The following ULK4 variants were observed in gnomAD, a reference collection of about 807,000 sequenced individuals.
ULK4 encodes the protein unc-51 like kinase 4.
ULK4 carries 133 observed loss-of-function variants against 160.6 expected under a neutral mutation model. The observed-to-expected ratio is 0.83, with a 90% CI of 0.72 to 0.96. The LOEUF (loss-of-function observed/expected upper bound fraction) is 0.96, where lower values mean the gene tolerates loss of function less well. Ranked by LOEUF, ULK4 falls within the 40% of genes least tolerant of loss-of-function variation. The probability of loss-of-function intolerance (pLI) is 0.00; values close to 1 mark genes in which losing one functional copy is unlikely to be tolerated. For missense variants in ULK4, 1,580 were observed against 1,499.5 expected, an observed-to-expected ratio of 1.05 and a Z score of -0.89; for synonymous variants, 534 against 539.8, an observed-to-expected ratio of 0.99 and a Z score of 0.15.
At chr3:41,309,898 GA>G (rs35153974) in intron 35 of ULK4, among the ~76,000 whole-genome samples, 16,148 of 144,256 alleles carry the variant, frequency 0.11, 1,716 homozygotes, top group African/African-American at 0.27. Context: ...GCCTTTTAGG[GA>G]AAAAAAAAAA....
At chr3:41,848,669 T>C (rs975483127) in intron 17 of ULK4, among the ~76,000 whole-genome samples, 1 of 152,208 alleles carries the variant, frequency 6.6e-6, no homozygotes, top group Non-Finnish European at 1.5e-5. Context: ...ACGTTCACTT[T>C]TTCCTTCTAG....
At chr3:41,827,606 T>G (rs540571581) in intron 18 of ULK4, among the ~76,000 whole-genome samples, 312 of 152,114 alleles carry the variant, frequency 2.1e-3, no homozygotes, top group Non-Finnish European at 2.7e-3. Context: ...CAGGAAGAAG[T>G]TGAATCTCTG....
chr3:41,508,122 C>G (rs1442983787), intron 32 of ULK4, among the ~76,000 whole-genome samples: 1 of 152,190 alleles, frequency 6.6e-6, no homozygotes, highest in Non-Finnish European at 1.5e-5. Flanking sequence ...GCCTTTAGGA[C>G]TGCAGGCTGC....
chr3:41,398,053 T>C (rs2082099584), intron 35 of ULK4, 26 bp downstream of exon 35: 3 of 1,595,956 alleles, frequency 1.9e-6, no homozygotes, highest in East Asian at 4.5e-5. Flanking sequence ...CCACCCACAG[T>C]GTCCCCGGTT....
intron 22 of ULK4, among the ~76,000 whole-genome samples, chr3:41,725,351 T>A (rs2037614844): frequency 6.6e-6 from 1 of 152,204 alleles, no homozygotes; most frequent in Non-Finnish European, 1.5e-5. Flanking sequence ...TTATCTATTA[T>A]CGTTTATTAT....
At chr3:41,885,735 T>G (rs1240869289) in intron 16 of ULK4, among the ~76,000 whole-genome samples, 1 of 151,722 alleles carries the variant, frequency 6.6e-6, no homozygotes, top group Non-Finnish European at 1.5e-5. Flanking sequence ...CAAGCCAGAG[T>G]GCAGTGGTGC....
intron 35 of ULK4, among the ~76,000 whole-genome samples, chr3:41,336,639 C>T (rs1033256789): frequency 2.0e-5 from 3 of 152,196 alleles, no homozygotes; most frequent in Non-Finnish European, 4.4e-5. Context: ...AGCTCATGAC[C>T]ACCTCCTTTA....
chr3:41,553,786 GGGC>G (rs571110882), intron 32 of ULK4, among the ~76,000 whole-genome samples: 1 of 151,620 alleles, frequency 6.6e-6, no homozygotes, highest in African/African-American at 2.4e-5. Context: ...AGAGTAAATG[GGGC>G]ATCCATCCCA....
At position 41,412,553 on chromosome 3, in the gene ULK4, A is replaced by ATTTTTTTTTTTTT. The variant is rs57224854; in HGVS notation, c.3493-14302_3493-14290dup. ...TAAAGGTCAATGGCAATGCAGTTGAATTTTTTTTTTTTTTTTTTTTTTTTT... is the reference window on the plus strand; with the variant it reads ...TAAAGGTCAATGGCAATGCAGTTGAATTTTTTTTTTTTTTTTTTTTTTTTTTTTTTTTTTTTTT... On this transcript the variant is annotated intron_variant, in intron 34 of 36. Coordinates refer to ENST00000301831, the MANE Select transcript of ULK4 (RefSeq NM_017886.4). 2.3e-3 allele frequency among the ~76,000 whole-genome samples: 232 copies of ATTTTTTTTTTTTT among 100,400 alleles called. 18 individuals carry two copies. Among genetic ancestry groups the ATTTTTTTTTTTTT allele is most frequent in the African/African-American group, 6.0e-3 (144 of 24,066 alleles). The allele number at this position is 100,400 out of a possible 152,430, so 65.9% of individuals were successfully genotyped here. A position where few individuals can be genotyped will look rare whatever the true frequency, so the allele number is the denominator to read the frequency against.
chr3:41,960,579 G>A (rs1700631314), intron 1 of ULK4, among the ~76,000 whole-genome samples: 1 of 152,046 alleles, frequency 6.6e-6, no homozygotes, highest in African/African-American at 2.4e-5. Flanking sequence ...TGCCCAGGCT[G>A]GTCTAGAACT....
intron 30 of ULK4, among the ~76,000 whole-genome samples, chr3:41,640,799 C>CT (rs570687812): frequency 1.3e-5 from 2 of 152,002 alleles, no homozygotes; most frequent in Non-Finnish European, 2.9e-5. Flanking sequence ...ATATATACAA[C>CT]TTTTTTTTAA....
At chr3:41,517,142 T>C (rs2085776857) in intron 32 of ULK4, among the ~76,000 whole-genome samples, 1 of 152,090 alleles carries the variant, frequency 6.6e-6, no homozygotes, top group African/African-American at 2.4e-5. Flanking sequence ...CATATGTCAT[T>C]AGGGAATTAC....
At chr3:41,380,211 C>A (rs1172145354) in intron 35 of ULK4, among the ~76,000 whole-genome samples, 1 of 152,014 alleles carries the variant, frequency 6.6e-6, no homozygotes, top group Non-Finnish European at 1.5e-5. Flanking sequence ...ATTCAAAAGA[C>A]AGGCAATTCA....
chr3:41,589,799 T>C (rs530297073), intron 31 of ULK4, among the ~76,000 whole-genome samples: 18 of 152,134 alleles, frequency 1.2e-4, no homozygotes, highest in African/African-American at 4.1e-4. Context: ...AAATGAAATA[T>C]TGCTACACAA....
intron 21 of ULK4, among the ~76,000 whole-genome samples, chr3:41,759,015 TAA>T (rs1307532351): frequency 2.0e-5 from 3 of 151,996 alleles, no homozygotes; most frequent in African/African-American, 7.2e-5. Flanking sequence ...AACCTAGGAA[TAA>T]AAGAGACCTC....
At position 41,769,275 on chromosome 3, in the gene ULK4, T is replaced by G. The variant is rs146387791; in HGVS notation, c.2194-14787A>C. 4.4e-4 allele frequency among the ~76,000 whole-genome samples: 67 copies of G among 152,316 alleles called. No homozygotes were observed. In the East Asian group the frequency reaches 0.013, roughly 29 times the overall value. ...CTTTGACTCCCTACAACTAGTTGCC[T>G]AGGATTCTATATTTAACCTTAAGCA... On this transcript the variant is annotated intron_variant, in intron 21 of 36. Transcript: ENST00000301831.
intron 5 of ULK4, 21 bp downstream of exon 5, chr3:41,931,823 A>C: frequency 6.2e-7 from 1 of 1,613,442 alleles, no homozygotes; most frequent in Non-Finnish European, 8.5e-7. Flanking sequence ...TATGATCTTT[A>C]AGCTTTCCAG....
chr3:41,875,220 G>A, intron 17 of ULK4, among the ~76,000 whole-genome samples: 1 of 152,040 alleles, frequency 6.6e-6, no homozygotes, highest in Non-Finnish European at 1.5e-5. Flanking sequence ...CAATAATGGT[G>A]AAAATAATGT....
chr3:41,768,148 T>C (rs1235896636), intron 21 of ULK4, among the ~76,000 whole-genome samples: 1 of 152,136 alleles, frequency 6.6e-6, no homozygotes, highest in Non-Finnish European at 1.5e-5. Flanking sequence ...TCTTCTGAGT[T>C]GGAACAGTTT....
Sources: gnomAD v4.1 joint callset for allele counts (sites outside exome capture counted in the v4.1 genomes callset) on GRCh38, gnomAD v4.1.1 for gene constraint, MANE v1.5 for transcripts, NCBI Gene and HGNC (gene_info 2026-07-23, HGNC 2026-07-21) for gene names.